The following KIAA1549 variants were observed in gnomAD, a reference collection of about 807,000 sequenced individuals.
The protein encoded by KIAA1549 is UPF0606 protein KIAA1549.
KIAA1549 carries 70 observed loss-of-function variants against 156.4 expected under a neutral mutation model. That is an observed-to-expected ratio of 0.45 (90% confidence interval 0.37 to 0.55). The LOEUF (loss-of-function observed/expected upper bound fraction) is 0.55, where lower values mean the gene tolerates loss of function less well. Ranked by LOEUF, KIAA1549 falls within the 20% of genes least tolerant of loss-of-function variation. The probability of loss-of-function intolerance (pLI) is 0.00; values close to 1 mark genes in which losing one functional copy is unlikely to be tolerated. For synonymous variants in KIAA1549, 1,103 were observed against 1,066.4 expected, an observed-to-expected ratio of 1.03 and a Z score of -0.67; for missense variants, 2,428 against 2,540.9, an observed-to-expected ratio of 0.96 and a Z score of 0.96.
chr7:138,888,832 C>T (rs1811470787), intron 10 of KIAA1549, among the ~76,000 whole-genome samples: 1 of 151,978 alleles, frequency 6.6e-6, no homozygotes. Flanking sequence ...AATACTAATC[C>T]ATCTATATAA....
chr7:138,919,092 G>A lies in KIAA1549; in HGVS notation c.534C>T (p.Ile178=), dbSNP rs758616198. Residue 178 remains isoleucine, a synonymous_variant, in exon 2 of 20, where the codon ATC becomes ATT. Coordinates refer to ENST00000422774, the MANE Select transcript of KIAA1549 (RefSeq NM_001164665.2). The part of the protein sequence containing the change: ...TPRMVSPIQY[I]TVSPPGLPRE... ...TGGGCAGCCCTGGTGGGCTGACTGT[G>A]ATATACTGTATTGGAGAAACCATCC... 6.2e-7 allele frequency: 1 copy of A among 1,614,016 alleles called. No individual in the cohort carries two copies. Among genetic ancestry groups the A allele is most frequent in the Non-Finnish European group, 8.5e-7 (1 of 1,179,888 alleles).
chr7:138,885,013 T>C (rs1811349486), intron 10 of KIAA1549, among the ~76,000 whole-genome samples: 1 of 152,210 alleles, frequency 6.6e-6, no homozygotes, highest in African/African-American at 2.4e-5. Context: ...CTGACCAACA[T>C]GGAGAAACCT....
chr7:138,954,893 G>A (rs1443102571), intron 1 of KIAA1549, among the ~76,000 whole-genome samples: 1 of 152,126 alleles, frequency 6.6e-6, no homozygotes, highest in Non-Finnish European at 1.5e-5. Context: ...CTGGAAGGGG[G>A]ACCCAGGGGC....
intron 1 of KIAA1549, among the ~76,000 whole-genome samples, chr7:138,939,672 T>G (rs934067611): frequency 3.3e-5 from 5 of 152,206 alleles, no homozygotes; most frequent in Non-Finnish European, 7.4e-5. Flanking sequence ...AGCGCCTGGT[T>G]TCTGGCTGTT....
intron 15 of KIAA1549, among the ~76,000 whole-genome samples, chr7:138,865,411 T>C (rs1810707652): frequency 6.7e-6 from 1 of 150,230 alleles, no homozygotes; most frequent in Non-Finnish European, 1.5e-5. Context: ...CAAAAACACA[T>C]AGTACTTCCC....
At chr7:138,900,699 T>C (rs555780250) in intron 8 of KIAA1549, among the ~76,000 whole-genome samples, 3 of 152,150 alleles carry the variant, frequency 2.0e-5, no homozygotes, top group African/African-American at 7.2e-5. Context: ...GGTAATGAGT[T>C]CTTGCTCTAC....
At chr7:138,909,517 A>G (rs1812108577) in intron 4 of KIAA1549, among the ~76,000 whole-genome samples, 1 of 152,226 alleles carries the variant, frequency 6.6e-6, no homozygotes, top group Admixed American at 6.5e-5. Context: ...TTCACAGGGG[A>G]TAGATGAAAC....
chr7:138,941,636 C>G (rs2130523923), intron 1 of KIAA1549, among the ~76,000 whole-genome samples: 1 of 152,330 alleles, frequency 6.6e-6, no homozygotes, highest in South Asian at 2.1e-4. Context: ...TTCAAAAACA[C>G]AGGCTAGTTA....
chr7:138,869,747 C>T lies in KIAA1549; in HGVS notation c.4566G>A (p.Leu1522=), dbSNP rs2130382769. ...NKINKEIQTA[L]RHKSEIEHHR... ...GGTGCTCGATCTCAGACTTGTGCCG[C>T]AGCGCGGTCTGAATCTGAGGAAGGG... Residue 1522 remains leucine (L), a synonymous_variant, in exon 14 of 20, where the codon CTG becomes CTA. Transcript: ENST00000422774. 4 of 1,610,228 alleles carry T rather than the reference C, an allele frequency of 2.5e-6. No homozygotes were observed. The highest frequency in any genetic ancestry group is 3.4e-6 in the Non-Finnish European group (4 of 1,179,456).
intron 10 of KIAA1549, among the ~76,000 whole-genome samples, chr7:138,887,502 G>A (rs1190138911): frequency 6.6e-6 from 1 of 151,960 alleles, no homozygotes; most frequent in Non-Finnish European, 1.5e-5. Flanking sequence ...CTCTGTACAA[G>A]TCCTCCCTAC....
chr7:138,937,432 C>T (rs533096556), intron 1 of KIAA1549, among the ~76,000 whole-genome samples: 1 of 152,280 alleles, frequency 6.6e-6, no homozygotes, highest in Non-Finnish European at 1.5e-5. Context: ...CAAACACCTA[C>T]CGGTCATGTG....
rs1226881213 is a variant in KIAA1549, at chr7:138,835,389, A to G, written c.*2517T>C. 9.3e-6 allele frequency: 2 copies of G among 214,008 alleles called. No homozygotes were observed. The highest frequency in any genetic ancestry group is 4.5e-5 in the African/African-American group (2 of 44,268). The allele number at this position is 214,008 out of a possible 1,614,324, so 13.3% of individuals were successfully genotyped here. ...TCATCTTTGGTCTTGACATCTGTTTAAAGGTGTATTGTTTCTAAGAATAAA... is the reference window on the plus strand; with the variant it reads ...TCATCTTTGGTCTTGACATCTGTTTGAAGGTGTATTGTTTCTAAGAATAAA... On this transcript the variant is annotated 3_prime_UTR_variant, in exon 20 of 20. Transcript: ENST00000422774.
chr7:138,981,102 C>G lies in KIAA1549; in HGVS notation c.168G>C (p.Arg56=). The part of the protein sequence containing the change: ...LPGLWLLLLA[R]PASCAPDELS... Reference sequence around the variant, plus strand: ...GCTTACCTGGGGCGCACGAGGCCGGCCGGGCCAGCAGCAGCAGCCAGAGGC... The same window carrying G: ...GCTTACCTGGGGCGCACGAGGCCGGGCGGGCCAGCAGCAGCAGCCAGAGGC... Residue 56 remains arginine (R), a synonymous_variant, in exon 1 of 20, where the codon CGG becomes CGC. Transcript: ENST00000422774. The surrounding 1 kb of genome is among the most constrained non-coding windows in gnomAD (Gnocchi z 4.5). The G allele has an allele frequency of 8.2e-7, 1 of 1,224,190 alleles. No homozygotes were observed. The highest frequency in any genetic ancestry group is 1.0e-6 in the Non-Finnish European group (1 of 982,716). 75.8% of individuals were successfully genotyped at this position (1,224,190 alleles called of 1,614,324 possible). A position where few individuals can be genotyped will look rare whatever the true frequency, so the allele number is the denominator to read the frequency against.
Position 138,837,579 on chromosome 7 carries a change from A to G in KIAA1549, c.*327T>C. Reference sequence around the variant, plus strand: ...CCTTTCATCCCTATGCTGTCTATACAGTTTAATCTCTACCTTTAAAAAAGA... The same window carrying G: ...CCTTTCATCCCTATGCTGTCTATACGGTTTAATCTCTACCTTTAAAAAAGA... On this transcript the variant is annotated 3_prime_UTR_variant, in exon 20 of 20. Coordinates refer to ENST00000422774, the MANE Select transcript of KIAA1549 (RefSeq NM_001164665.2). 2.0e-6 allele frequency: 1 copy of G among 491,134 alleles called. No individual in the cohort carries two copies. The highest frequency in any genetic ancestry group is 3.6e-6 in the Non-Finnish European group (1 of 280,736). 30.4% of individuals were successfully genotyped at this position (491,134 alleles called of 1,614,324 possible).
At chr7:138,930,630 C>T (rs977273366) in intron 1 of KIAA1549, among the ~76,000 whole-genome samples, 1 of 152,234 alleles carries the variant, frequency 6.6e-6, no homozygotes, top group African/African-American at 2.4e-5. Context: ...TCTGCAGCCT[C>T]CTTACCTTTT....
chr7:138,864,798 T>C (rs1255137938), intron 15 of KIAA1549, among the ~76,000 whole-genome samples: 2 of 152,174 alleles, frequency 1.3e-5, no homozygotes, highest in South Asian at 2.1e-4. Context: ...TACATCAAAC[T>C]TTTTCTGTAA....
chr7:138,844,557 G>A, intron 17 of KIAA1549, 83 bp from the exon 18 acceptor site: 1 of 1,270,774 alleles, frequency 7.9e-7, no homozygotes, highest in Non-Finnish European at 1.0e-6. Flanking sequence ...CAACCTTACA[G>A]AAGGTAACAC....
chr7:138,954,573 T>C (rs1391252392), intron 1 of KIAA1549, among the ~76,000 whole-genome samples: 1 of 152,138 alleles, frequency 6.6e-6, no homozygotes, highest in Non-Finnish European at 1.5e-5. Flanking sequence ...GTCTGGTTCC[T>C]CCTCGTCTGT....
chr7:138,948,047 G>A (rs1360253600), intron 1 of KIAA1549, among the ~76,000 whole-genome samples: 1 of 152,158 alleles, frequency 6.6e-6, no homozygotes, highest in Non-Finnish European at 1.5e-5. Flanking sequence ...ACAGGTGTGA[G>A]CCACTGCACC....
Sources: allele counts gnomAD v4.1 joint callset (sites outside exome capture counted in the v4.1 genomes callset), GRCh38; gene constraint gnomAD v4.1.1; non-coding constraint Gnocchi (gnomAD v3.1); transcripts MANE v1.5; gene names NCBI Gene and HGNC (gene_info 2026-07-23, HGNC 2026-07-21).